GUCA1C: variants seen among roughly 807,000 people sequenced by gnomAD.
GUCA1C encodes guanylate cyclase activator 1C.
In GUCA1C, 15 loss-of-function variants were observed where a neutral mutation model predicts 16.2. The observed-to-expected ratio is 0.93, with a 90% CI of 0.62 to 1.43. The LOEUF is 1.43. Ranked by LOEUF, GUCA1C falls within the 40% of genes most tolerant of loss-of-function variation. The probability of loss-of-function intolerance (pLI) is 0.00; values close to 1 mark genes in which losing one functional copy is unlikely to be tolerated. For missense variants in GUCA1C, 275 were observed against 244.8 expected (o/e 1.12, Z -0.82); for synonymous variants, 78 against 85.4 (o/e 0.91, Z 0.48).
At chr3:108,910,007 G>A (rs373063269) in intron 3 of GUCA1C, among the ~76,000 whole-genome samples, 1 of 152,264 alleles carries the variant, frequency 6.6e-6, no homozygotes, top group Admixed American at 6.5e-5. Flanking sequence ...TATAGCCGAC[G>A]ACAGTGCTAT....
intron 1 of GUCA1C, among the ~76,000 whole-genome samples, chr3:108,942,455 T>C (rs1417365824): frequency 1.3e-5 from 2 of 152,238 alleles, no homozygotes; most frequent in East Asian, 3.8e-4. Context: ...ATAATCTCGA[T>C]ATAACTTTTT....
chr3:108,917,350 T>C (rs1393984229), intron 2 of GUCA1C, among the ~76,000 whole-genome samples: 5 of 152,114 alleles, frequency 3.3e-5, no homozygotes, highest in African/African-American at 1.2e-4. Context: ...GTCATATAAG[T>C]GAAAGTGAAA....
rs71629371 is a variant in GUCA1C, at chr3:108,934,808, C to CTTTTTTTTTTT, written c.205-14234_205-14224dup. Among the ~76,000 whole-genome samples the CTTTTTTTTTTT allele has an allele frequency of 3.4e-3, 289 of 86,110 alleles. 21 individuals are homozygous for CTTTTTTTTTTT. Among genetic ancestry groups the CTTTTTTTTTTT allele is most frequent in the Middle Eastern group, 0.027 (2 of 74 alleles). 56.5% of individuals were successfully genotyped at this position (86,110 alleles called of 152,430 possible). A position where few individuals can be genotyped will look rare whatever the true frequency, so the allele number is the denominator to read the frequency against. Reference sequence around the variant, plus strand: ...ACATATTCTCACTTATGTTCTTGATCTTTTTTTTTTTTTTTTTTTTTTTGA... The same window carrying CTTTTTTTTTTT: ...ACATATTCTCACTTATGTTCTTGATCTTTTTTTTTTTTTTTTTTTTTTTTTTTTTTTTTTGA... On this transcript the variant is annotated intron_variant, in intron 1 of 3. Transcript: ENST00000261047.
intron 2 of GUCA1C, among the ~76,000 whole-genome samples, chr3:108,920,226 T>A (rs1946556207): frequency 6.6e-6 from 1 of 152,204 alleles, no homozygotes; most frequent in Non-Finnish European, 1.5e-5. Flanking sequence ...TTTGTGAATG[T>A]CAGGGTGGAC....
intron 1 of GUCA1C, among the ~76,000 whole-genome samples, chr3:108,937,220 T>C (rs1437270624): frequency 6.6e-6 from 1 of 152,108 alleles, no homozygotes; most frequent in South Asian, 2.1e-4. Flanking sequence ...TCAGCATCTC[T>C]CCACCCACCT....
intron 1 of GUCA1C, among the ~76,000 whole-genome samples, chr3:108,924,401 C>G (rs987459200): frequency 6.6e-6 from 1 of 152,042 alleles, no homozygotes; most frequent in African/African-American, 2.4e-5. Flanking sequence ...TTGACATGAT[C>G]ATGTGATTTT....
chr3:108,912,068 G>A (rs1946460873), intron 3 of GUCA1C, among the ~76,000 whole-genome samples: 1 of 141,224 alleles, frequency 7.1e-6, no homozygotes, highest in African/African-American at 2.6e-5. Context: ...TAGTGCCATT[G>A]CACTCCAGCC....
intron 1 of GUCA1C, among the ~76,000 whole-genome samples, chr3:108,935,155 G>T (rs1946712505): frequency 6.6e-6 from 1 of 151,870 alleles, no homozygotes; most frequent in African/African-American, 2.4e-5. Flanking sequence ...GGTACTCATG[G>T]ACATAAACAT....
At chr3:108,943,609 G>C (rs2107313605) in intron 1 of GUCA1C, among the ~76,000 whole-genome samples, 1 of 152,316 alleles carries the variant, frequency 6.6e-6, no homozygotes, top group East Asian at 1.9e-4. Context: ...GGGTTTACAT[G>C]CAATCCTGGA....
intron 2 of GUCA1C, among the ~76,000 whole-genome samples, chr3:108,919,674 G>T (rs1221989757): frequency 6.6e-6 from 1 of 151,964 alleles, no homozygotes; most frequent in Non-Finnish European, 1.5e-5. Flanking sequence ...TATTTTTCTG[G>T]CATTTTTGCT....
intron 1 of GUCA1C, among the ~76,000 whole-genome samples, chr3:108,923,681 C>T (rs899176806): frequency 2.0e-5 from 3 of 151,888 alleles, no homozygotes; most frequent in Non-Finnish European, 4.4e-5. Context: ...TTTTTTCTAG[C>T]TCTGTGAAAA....
chr3:108,934,973 C>G (rs2107303375), intron 1 of GUCA1C, among the ~76,000 whole-genome samples: 1 of 151,970 alleles, frequency 6.6e-6, no homozygotes, highest in African/African-American at 2.4e-5. Flanking sequence ...GCCACCACGC[C>G]CGGCTAATTT....
chr3:108,916,616 GT>G (rs1048455761), intron 2 of GUCA1C, among the ~76,000 whole-genome samples: 11 of 152,308 alleles, frequency 7.2e-5, no homozygotes, highest in Admixed American at 5.2e-4. Context: ...CCACAATGCT[GT>G]AAGAGTCTCA....
upstream of GUCA1C, chr3:108,953,937 T>C: frequency 3.4e-6 from 2 of 588,696 alleles, no homozygotes; most frequent in South Asian, 4.4e-5. Flanking sequence ...TTAACTTATC[T>C]GCCCAGTTTT....
chr3:108,910,051 C>G (rs1017663252), intron 3 of GUCA1C, among the ~76,000 whole-genome samples: 1 of 152,242 alleles, frequency 6.6e-6, no homozygotes, highest in Admixed American at 6.5e-5. Flanking sequence ...CACACACTGA[C>G]TAATTGCCTT....
upstream of GUCA1C, among the ~76,000 whole-genome samples, chr3:108,954,847 C>T (rs1195113024): frequency 6.6e-6 from 1 of 151,430 alleles, no homozygotes; most frequent in Non-Finnish European, 1.5e-5. Flanking sequence ...CGCCATTCTC[C>T]TGCCTCAGCC....
At chr3:108,913,890 AC>A (rs1378374945) in intron 3 of GUCA1C, among the ~76,000 whole-genome samples, 2 of 151,710 alleles carry the variant, frequency 1.3e-5, no homozygotes, top group Non-Finnish European at 1.5e-5. Context: ...ATATGGTGAA[AC>A]CCCGTCTCTA....
intron 1 of GUCA1C, among the ~76,000 whole-genome samples, chr3:108,930,493 G>A (rs1041985041): frequency 6.6e-6 from 1 of 152,216 alleles, no homozygotes; most frequent in African/African-American, 2.4e-5. Context: ...GATGTTGGAA[G>A]CTAATACGGT....
intron 1 of GUCA1C, among the ~76,000 whole-genome samples, chr3:108,924,498 T>C (rs1164293472): frequency 6.6e-6 from 1 of 152,206 alleles, no homozygotes; most frequent in Non-Finnish European, 1.5e-5. Context: ...ACCCACTTGA[T>C]CTTGGTGGAT....
Sources: gnomAD v4.1 joint callset for allele counts (sites outside exome capture counted in the v4.1 genomes callset) on GRCh38, gnomAD v4.1.1 for gene constraint, MANE v1.5 for transcripts, NCBI Gene and HGNC (gene_info 2026-07-23, HGNC 2026-07-21) for gene names.